SARDH: variants seen among roughly 807,000 people sequenced by gnomAD.
SARDH encodes sarcosine dehydrogenase, mitochondrial.
A neutral mutation model predicts 109.1 loss-of-function variants in SARDH; 95 were observed. The observed-to-expected ratio is 0.87, with a 90% CI of 0.74 to 1.03. SARDH has a LOEUF of 1.03. Among genes scored for constraint, SARDH ranks in the 50% least tolerant of loss-of-function variants. The pLI, the probability that SARDH is intolerant of heterozygous loss-of-function variation, is 0.00. For synonymous variants in SARDH, 572 were observed against 534.8 expected (o/e 1.07, Z -0.96); for missense variants, 1,267 against 1,287.8 (o/e 0.98, Z 0.25).
rs759372093 is a variant in SARDH at position 133,732,604 on chromosome 9, G to T, written c.332-3C>A. On this transcript the variant is annotated splice_polypyrimidine_tract_variant and splice_region_variant and intron_variant, in intron 2 of 20. Transcript: ENST00000439388. ...GGGCCGCAGCTGCCACAGCAGGCCT[G>T]CCCGGGAGGGTGGGTGCCATCACTC... is the stretch of plus-strand genomic sequence containing the variant. 6.3e-7 allele frequency: 1 copy of T among 1,597,824 alleles called. No homozygotes were observed. The highest frequency in any genetic ancestry group is 8.5e-7 in the Non-Finnish European group (1 of 1,171,014).
intron 17 of SARDH, among the ~76,000 whole-genome samples, chr9:133,676,654 G>A (rs1830521700): frequency 6.6e-6 from 1 of 152,202 alleles, no homozygotes; most frequent in African/African-American, 2.4e-5. Context: ...CCCTGGGCCG[G>A]ACAGGAAGCT....
chr9:133,729,768 AATCCCCTCG>A lies in SARDH; in HGVS notation c.903_911del (p.Glu302_Ile304del), dbSNP rs1442026602. 6.2e-7 allele frequency: 1 copy of A among 1,612,260 alleles called. No individual in the cohort carries two copies. The highest frequency in any genetic ancestry group is 1.7e-5 in the Admixed American group (1 of 59,982). On this transcript the variant is annotated inframe_deletion, in exon 6 of 21. Transcript: ENST00000439388. ...GAACCCGGGGCTGTCCACCTACCTG[AATCCCCTCG>A]ATGCGCTCGGTGACGACATAGGCAT...
rs999278371 is a variant in SARDH, at chr9:133,692,988, C to A, written c.1921+1270G>T. Among the ~76,000 whole-genome samples the A allele has an allele frequency of 6.6e-6, 1 of 152,092 alleles. No homozygotes were observed. Among genetic ancestry groups the A allele is most frequent in the East Asian group, 1.9e-4 (1 of 5,182 alleles). On this transcript the variant is annotated intron_variant, in intron 15 of 20. Coordinates refer to ENST00000439388, the MANE Select transcript of SARDH (RefSeq NM_001134707.2). The surrounding 1 kb of genome is among the most constrained non-coding windows in gnomAD (Gnocchi z 5.0). ...CACTACTCCCTGCTTTTGGCAGAAC[C>A]GCAGAGGCCCAGGAGCCCCTGCCAG...
intron 17 of SARDH, among the ~76,000 whole-genome samples, chr9:133,676,720 C>T (rs887302897): frequency 3.3e-5 from 5 of 152,140 alleles, no homozygotes; most frequent in East Asian, 3.8e-4. Context: ...GGGGGAAAGG[C>T]GGTACTTAAA....
chr9:133,677,691 T>C (rs1830565072), intron 17 of SARDH, among the ~76,000 whole-genome samples: 2 of 152,218 alleles, frequency 1.3e-5, no homozygotes, highest in Admixed American at 1.3e-4. Context: ...GTCCCCTTCC[T>C]GCTTGGCCCT....
chr9:133,719,040 GT>G lies in SARDH; in HGVS notation c.917del (p.Asn306ThrfsTer88), dbSNP rs1215853799. 1.9e-6 allele frequency: 3 copies of G among 1,613,722 alleles called. No individual in the cohort carries two copies. The African/African-American group carries it at 4.0e-5, about 22-fold the overall frequency. ...CATCATGATCACGGACATTGGGCATGTTCTGGAAGGCAGAGAGAGAGGCCTT... is the reference window on the plus strand; with the variant it reads ...CATCATGATCACGGACATTGGGCATGTCTGGAAGGCAGAGAGAGAGGCCTT... The part of the protein sequence containing the change: ...VVTERIEGIQ[N>X]MPNVRDHDAS... On this transcript the variant is annotated frameshift_variant and splice_region_variant, in exon 7 of 21. Coordinates refer to ENST00000439388, the MANE Select transcript of SARDH (RefSeq NM_001134707.2). LOFTEE classifies it high-confidence loss of function.
chr9:133,721,553 C>T (rs1466624249), intron 6 of SARDH, among the ~76,000 whole-genome samples: 1 of 152,174 alleles, frequency 6.6e-6, no homozygotes, highest in Non-Finnish European at 1.5e-5. Flanking sequence ...CCTGGAGTGA[C>T]AGCTTAGACC....
At position 133,678,383 on chromosome 9, in the gene SARDH, C is replaced by T. The variant is rs571558715; in HGVS notation, c.2164-6686G>A. On this transcript the variant is annotated intron_variant, in intron 17 of 20. Coordinates refer to ENST00000439388, the MANE Select transcript of SARDH (RefSeq NM_001134707.2). ...GACCTCCTCATCCCCTCTTGTCTCC[C>T]GCCCTCTTTCTCCCCTGCAGCAAGT... Among the ~76,000 whole-genome samples the T allele has an allele frequency of 3.9e-5, 6 of 152,314 alleles. No homozygotes were observed. The South Asian group carries it at 1.0e-3, about 26-fold the overall frequency.
At position 133,704,335 on chromosome 9, in the gene SARDH, C is replaced by T. The variant is rs1011370678; in HGVS notation, c.1554+613G>A. Among the ~76,000 whole-genome samples the T allele has an allele frequency of 6.6e-6, 1 of 152,160 alleles. No individual in the cohort carries two copies. Among genetic ancestry groups the T allele is most frequent in the Non-Finnish European group, 1.5e-5 (1 of 68,016 alleles). On this transcript the variant is annotated intron_variant, in intron 12 of 20. Transcript: ENST00000439388. The surrounding 1 kb of genome is among the most constrained non-coding windows in gnomAD (Gnocchi z 4.5). ...TTCTGTAAATCTGGATCAAATGCTA[C>T]CCCTCAGCTGGCCTTAAGGCCTCGC...
chr9:133,707,981 G>GC (rs1831758580), intron 11 of SARDH, among the ~76,000 whole-genome samples: 1 of 152,118 alleles, frequency 6.6e-6, no homozygotes, highest in Admixed American at 6.5e-5. Flanking sequence ...CAGGACCCCT[G>GC]CCCTGTTGGC....
intron 19 of SARDH, among the ~76,000 whole-genome samples, chr9:133,670,005 G>A (rs990170480): frequency 2.6e-5 from 4 of 152,190 alleles, no homozygotes; most frequent in African/African-American, 4.8e-5. Context: ...GGCCTGGGAG[G>A]GGCCCCAGGT....
In SARDH at chr9:133,718,419, A is replaced by C; in HGVS notation, c.1020+519T>G. ...TCTCCACCAAAATATAGGCACCCAG[A>C]GTCAGGGACTTTTATCTTAGTTTCC... On this transcript the variant is annotated intron_variant, in intron 7 of 20. Transcript: ENST00000439388. This position sits in a 1 kb window ranked among gnomAD's most constrained non-coding sequence, Gnocchi z 4.2. 1 of 459,462 alleles carries C rather than the reference A, an allele frequency of 2.2e-6. No individual in the cohort carries two copies. The allele number at this position is 459,462 out of a possible 1,614,324, so 28.5% of individuals were successfully genotyped here. A position where few individuals can be genotyped will look rare whatever the true frequency, so the allele number is the denominator to read the frequency against.
At chr9:133,703,993 CAG>C (rs2131419138) in intron 12 of SARDH, among the ~76,000 whole-genome samples, 2 of 152,236 alleles carry the variant, frequency 1.3e-5, no homozygotes, top group South Asian at 4.2e-4. Context: ...CGCCCAGGGA[CAG>C]GGGAGAGGGG....
At position 133,730,191 on chromosome 9, in the gene SARDH, G is replaced by C. The variant is rs377565836; in HGVS notation, c.691-4C>G. ...TCACTGGGCAGTTCTCAATGACCTG[G>C]AATTGAGAGGAACTGCTTCTAAAAT... On this transcript the variant is annotated splice_polypyrimidine_tract_variant and splice_region_variant and intron_variant, in intron 4 of 20. Transcript: ENST00000439388. The C allele has an allele frequency of 2.0e-5, 33 of 1,613,946 alleles. No homozygotes were observed. Among genetic ancestry groups the C allele is most frequent in the Non-Finnish European group, 2.7e-5 (32 of 1,180,024 alleles).
chr9:133,660,068 C>A (rs1405858685), downstream of SARDH, among the ~76,000 whole-genome samples: 1 of 143,342 alleles, frequency 7.0e-6, no homozygotes, highest in African/African-American at 2.6e-5. Context: ...CCCCACCTCA[C>A]CCCCCACTCA....
chr9:133,676,722 G>A (rs868292238), intron 17 of SARDH, among the ~76,000 whole-genome samples: 9 of 152,210 alleles, frequency 5.9e-5, no homozygotes, highest in South Asian at 4.1e-4. Context: ...GGGAAAGGCG[G>A]TACTTAAACA....
intron 6 of SARDH, among the ~76,000 whole-genome samples, chr9:133,723,096 T>A (rs1832380966): frequency 6.6e-6 from 1 of 152,210 alleles, no homozygotes; most frequent in Non-Finnish European, 1.5e-5. Flanking sequence ...AAACTTGTAC[T>A]CTAAAAACTA....
At chr9:133,668,254 G>T (rs193192353) in intron 19 of SARDH, among the ~76,000 whole-genome samples, 2 of 148,978 alleles carry the variant, frequency 1.3e-5, no homozygotes, top group African/African-American at 2.5e-5. Context: ...ACAGGATGAC[G>T]ACGACACGGC....
chr9:133,682,612 T>C (rs191772241), intron 17 of SARDH, among the ~76,000 whole-genome samples: 16 of 151,780 alleles, frequency 1.1e-4, no homozygotes, highest in African/African-American at 2.7e-4. Flanking sequence ...TTGGTAGAAG[T>C]GAGGTCTGCA....
Sources: gnomAD v4.1 joint callset for allele counts (sites outside exome capture counted in the v4.1 genomes callset) on GRCh38, gnomAD v4.1.1 for gene constraint, Gnocchi (gnomAD v3.1) non-coding constraint, MANE v1.5 for transcripts, NCBI Gene and HGNC (gene_info 2026-07-23, HGNC 2026-07-21) for gene names.